The following SPATA6L variants were observed in gnomAD, a reference collection of about 807,000 sequenced individuals.
SPATA6L encodes spermatogenesis associated 6-like protein.
Under a neutral mutation model 49.2 loss-of-function variants are expected in SPATA6L, and 68 were observed. The ratio of observed to expected loss-of-function variants is 1.38; its 90% confidence interval spans 1.14 to 1.69. SPATA6L has a LOEUF of 1.69. Among genes scored for constraint, SPATA6L ranks in the 40% most tolerant of loss-of-function variants. The pLI is 0.00. For synonymous variants in SPATA6L, 198 were observed against 165.7 expected, an observed-to-expected ratio of 1.19 and a Z score of -1.50; for missense variants, 668 against 464.3, an observed-to-expected ratio of 1.44 and a Z score of -4.03.
At chr9:4,607,767 A>G (rs1227095057) in intron 9 of SPATA6L, among the ~76,000 whole-genome samples, 1 of 152,198 alleles carries the variant, frequency 6.6e-6, no homozygotes, top group African/African-American at 2.4e-5. Flanking sequence ...TAACATCATC[A>G]TGACAGGATC....
intron 4 of SPATA6L, among the ~76,000 whole-genome samples, chr9:4,629,769 G>GTATATATATATATATATATATATATA (rs35908661): frequency 9.8e-6 from 1 of 101,936 alleles, no homozygotes; most frequent in Non-Finnish European, 1.8e-5. Flanking sequence ...GTGTGTGTGT[G>GTATATATATATATATATATATATATA]TATATATATA....
chr9:4,599,708 G>A lies in SPATA6L; in HGVS notation c.*1103C>T, dbSNP rs149076037. ...GTGGAAGGGGCAAACGAGCTCCCTT[G>A]AGCCTATTTATAGGGCACTAATCTC... On this transcript the variant is annotated 3_prime_UTR_variant, in exon 12 of 12. Coordinates refer to ENST00000682582, the MANE Select transcript of SPATA6L (RefSeq NM_001353486.2). Among the ~76,000 whole-genome samples the A allele has an allele frequency of 3.3e-5, 5 of 152,250 alleles. No individual in the cohort carries two copies. The highest frequency in any genetic ancestry group is 3.9e-4 in the East Asian group (2 of 5,178).
At chr9:4,601,753 G>C (rs911347005) in intron 11 of SPATA6L, among the ~76,000 whole-genome samples, 1 of 152,188 alleles carries the variant, frequency 6.6e-6, no homozygotes, top group African/African-American at 2.4e-5. Flanking sequence ...CACGTAGTGG[G>C]AGCCACTGGG....
At chr9:4,650,750 C>G (rs1836632900) in intron 3 of SPATA6L, among the ~76,000 whole-genome samples, 1 of 152,124 alleles carries the variant, frequency 6.6e-6, no homozygotes, top group Admixed American at 6.6e-5. Context: ...ACCTCTGCCA[C>G]CCAGGCTCAA....
At chr9:4,601,282 G>T (rs535536943) in intron 11 of SPATA6L, among the ~76,000 whole-genome samples, 236 of 151,038 alleles carry the variant, frequency 1.6e-3, no homozygotes, top group African/African-American at 5.3e-3. Context: ...TCTGTAATTT[G>T]GCACTGCACA....
intron 3 of SPATA6L, among the ~76,000 whole-genome samples, chr9:4,649,027 T>C (rs1302707411): frequency 2.2e-5 from 3 of 137,682 alleles, no homozygotes; most frequent in African/African-American, 8.9e-5. Flanking sequence ...AATGGTTGAG[T>C]AGTATTCCAT....
chr9:4,589,977 G>A (rs188655996), intron 13 of SPATA6L, among the ~76,000 whole-genome samples: 18 of 152,328 alleles, frequency 1.2e-4, no homozygotes, highest in Admixed American at 2.0e-4. Flanking sequence ...AGGCTGGAGT[G>A]CAGTGGCGCG....
chr9:4,649,130 G>A (rs548696992), intron 3 of SPATA6L, among the ~76,000 whole-genome samples: 1 of 151,840 alleles, frequency 6.6e-6, no homozygotes, highest in Non-Finnish European at 1.5e-5. Flanking sequence ...TTGATTGATG[G>A]GCATTTGGAT....
intron 9 of SPATA6L, among the ~76,000 whole-genome samples, chr9:4,611,931 A>C (rs1017350593): frequency 2.7e-5 from 4 of 149,954 alleles, no homozygotes; most frequent in African/African-American, 1.0e-4. Context: ...GCAACCTTGA[A>C]CTCTTGGACT....
rs1840118566 is a variant in SPATA6L at position 4,662,648 on chromosome 9, C to T, written c.40-612G>A. The T allele has an allele frequency of 8.1e-6, 13 of 1,599,458 alleles. No homozygotes were observed. The highest frequency in any genetic ancestry group is 9.3e-6 in the Non-Finnish European group (11 of 1,179,768). On this transcript the variant is annotated intron_variant, in intron 1 of 11. Coordinates refer to ENST00000682582, the MANE Select transcript of SPATA6L (RefSeq NM_001353486.2). This position sits in a 1 kb window ranked among gnomAD's most constrained non-coding sequence, Gnocchi z 4.9. ...CGCCTCCGCTGCCCGAGGAGGACCG[C>T]ATGGACTTGAACCCGTCCTTCCTGG...
At chr9:4,591,775 C>G (rs958955150) in intron 13 of SPATA6L, among the ~76,000 whole-genome samples, 1 of 152,224 alleles carries the variant, frequency 6.6e-6, no homozygotes, top group African/African-American at 2.4e-5. Context: ...AAGGCCGACT[C>G]AGCCTGCAAG....
At chr9:4,612,674 T>C (rs1386312974) in intron 9 of SPATA6L, among the ~76,000 whole-genome samples, 1 of 152,212 alleles carries the variant, frequency 6.6e-6, no homozygotes, top group African/African-American at 2.4e-5. Context: ...TAGAGTGAAA[T>C]TGAGCTGAGA....
chr9:4,651,969 G>C (rs2130729021), intron 3 of SPATA6L, among the ~76,000 whole-genome samples: 1 of 152,014 alleles, frequency 6.6e-6, no homozygotes, highest in Middle Eastern at 3.4e-3. Context: ...ACATGAAAAT[G>C]AAATAAAATG....
intron 3 of SPATA6L, among the ~76,000 whole-genome samples, chr9:4,648,590 C>A (rs896152194): frequency 6.6e-6 from 1 of 151,752 alleles, no homozygotes; most frequent in Non-Finnish European, 1.5e-5. Flanking sequence ...GTCCCAGCTA[C>A]GCGGGAGGCT....
chr9:4,640,764 A>G (rs1309439174), intron 3 of SPATA6L, among the ~76,000 whole-genome samples: 2 of 152,322 alleles, frequency 1.3e-5, no homozygotes, highest in East Asian at 3.9e-4. Context: ...AAGTAAAATC[A>G]ATTGTTATTT....
chr9:4,609,054 G>A (rs575526920), intron 9 of SPATA6L, among the ~76,000 whole-genome samples: 33 of 150,838 alleles, frequency 2.2e-4, no homozygotes, highest in African/African-American at 7.7e-4. Context: ...AGAAGAAATG[G>A]ATAAATTCCT....
chr9:4,640,386 T>C (rs979298636), intron 3 of SPATA6L, among the ~76,000 whole-genome samples: 2 of 152,206 alleles, frequency 1.3e-5, no homozygotes, highest in Non-Finnish European at 2.9e-5. Flanking sequence ...ACTTGTACCA[T>C]TAACTTAATG....
intron 4 of SPATA6L, among the ~76,000 whole-genome samples, chr9:4,631,601 T>G (rs904092336): frequency 4.7e-5 from 7 of 150,402 alleles, no homozygotes; most frequent in Admixed American, 4.0e-4. Context: ...AACAGCAAAA[T>G]ACACAAATAC....
chr9:4,632,822 G>A (rs1831916412), intron 4 of SPATA6L, among the ~76,000 whole-genome samples: 1 of 152,106 alleles, frequency 6.6e-6, no homozygotes, highest in African/African-American at 2.4e-5. Context: ...TAAAGCAGAG[G>A]AAATACCTGC....
Sources: gnomAD v4.1 joint callset for allele counts (sites outside exome capture counted in the v4.1 genomes callset) on GRCh38, gnomAD v4.1.1 for gene constraint, Gnocchi (gnomAD v3.1) non-coding constraint, MANE v1.5 for transcripts, NCBI Gene and HGNC (gene_info 2026-07-23, HGNC 2026-07-21) for gene names.